The following ARL15 variants were observed in gnomAD, a reference collection of about 807,000 sequenced individuals.
ARL15 encodes the protein ADP-ribosylation factor-like protein 15.
A neutral mutation model predicts 25.2 loss-of-function variants in ARL15; 19 were observed. The ratio of observed to expected loss-of-function variants is 0.75; its 90% confidence interval spans 0.53 to 1.10. The LOEUF is 1.10. Among genes scored for constraint, ARL15 ranks in the 50% least tolerant of loss-of-function variants. The probability of loss-of-function intolerance (pLI) is 0.00; values close to 1 mark genes in which losing one functional copy is unlikely to be tolerated. For synonymous variants in ARL15, 94 were observed against 86.8 expected (o/e 1.08, Z -0.46); for missense variants, 220 against 246.0 (o/e 0.89, Z 0.71).
intron 4 of ARL15, among the ~76,000 whole-genome samples, chr5:53,949,557 C>A (rs1160259616): frequency 2.6e-5 from 4 of 152,158 alleles, no homozygotes; most frequent in Admixed American, 6.5e-5. Flanking sequence ...AGATCAAACA[C>A]CTTTTACTCA....
intron 4 of ARL15, among the ~76,000 whole-genome samples, chr5:53,896,914 G>C (rs558833117): frequency 5.2e-4 from 79 of 152,272 alleles, no homozygotes; most frequent in African/African-American, 1.9e-3. Context: ...GGGGTTGTTT[G>C]CTCCTGGATT....
At chr5:54,017,706 T>G (rs1425911486) in intron 4 of ARL15, among the ~76,000 whole-genome samples, 2 of 151,680 alleles carry the variant, frequency 1.3e-5, no homozygotes, top group Non-Finnish European at 2.9e-5. Context: ...GTAACCAGGG[T>G]CTTTTGAAAA....
intron 4 of ARL15, among the ~76,000 whole-genome samples, chr5:53,949,206 C>T (rs1459066963): frequency 2.0e-5 from 3 of 152,106 alleles, no homozygotes; most frequent in Non-Finnish European, 4.4e-5. Flanking sequence ...GTGGAGGACT[C>T]TAAATTTCTG....
At chr5:54,181,059 G>A (rs997272093) in intron 1 of ARL15, among the ~76,000 whole-genome samples, 1 of 152,162 alleles carries the variant, frequency 6.6e-6, no homozygotes, top group South Asian at 2.1e-4. Flanking sequence ...GATTTTAAAA[G>A]TTAGGGCATG....
intron 3 of ARL15, among the ~76,000 whole-genome samples, chr5:54,130,227 CA>C (rs1259569595): frequency 1.2e-4 from 18 of 152,078 alleles, no homozygotes; most frequent in African/African-American, 4.3e-4. Flanking sequence ...CAAAACAAAA[CA>C]AACAAACAAA....
At chr5:54,148,632 T>G (rs975078523) in intron 3 of ARL15, among the ~76,000 whole-genome samples, 1 of 152,184 alleles carries the variant, frequency 6.6e-6, no homozygotes, top group African/African-American at 2.4e-5. Flanking sequence ...AGCCAGCTGC[T>G]TTTCAGCTGG....
chr5:53,884,898 T>C lies in ARL15; in HGVS notation c.*1663A>G, dbSNP rs905764463. The C allele has an allele frequency of 1.3e-5, 2 of 152,406 alleles. No homozygotes were observed. Among genetic ancestry groups the C allele is most frequent in the Non-Finnish European group, 2.9e-5 (2 of 67,986 alleles). 9.4% of individuals were successfully genotyped at this position (152,406 alleles called of 1,614,324 possible). ...TTTGTGCTGCTCAGGGATTACACAG[T>C]GTTAAAAATATTCAAGAATGCTGCA... On this transcript the variant is annotated 3_prime_UTR_variant, in exon 5 of 5. Transcript: ENST00000504924.
chr5:53,958,421 T>TA (rs1252512348), intron 4 of ARL15, among the ~76,000 whole-genome samples: 4 of 151,992 alleles, frequency 2.6e-5, no homozygotes, highest in African/African-American at 7.2e-5. Flanking sequence ...AAAATGTCTT[T>TA]AAAAAATCAC....
At chr5:53,894,576 A>AC (rs1455438882) in intron 4 of ARL15, among the ~76,000 whole-genome samples, 5 of 152,192 alleles carry the variant, frequency 3.3e-5, no homozygotes, top group African/African-American at 1.2e-4. Context: ...CTTCTAGATA[A>AC]CCACTATGAG....
At chr5:54,031,639 C>T (rs1218754704) in intron 4 of ARL15, among the ~76,000 whole-genome samples, 1 of 152,144 alleles carries the variant, frequency 6.6e-6, no homozygotes, top group Non-Finnish European at 1.5e-5. Flanking sequence ...TAATGGCCCA[C>T]CTGAATGTGC....
chr5:54,298,479 G>T (rs980980439), intron 1 of ARL15, among the ~76,000 whole-genome samples: 3 of 152,096 alleles, frequency 2.0e-5, no homozygotes, highest in African/African-American at 7.2e-5. Flanking sequence ...TTGGCAAAAT[G>T]ACCTCACGTT....
intron 4 of ARL15, among the ~76,000 whole-genome samples, chr5:53,921,864 T>C (rs1422493249): frequency 6.6e-6 from 1 of 152,212 alleles, no homozygotes; most frequent in African/African-American, 2.4e-5. Flanking sequence ...ACAATCACTA[T>C]GTGCCATCAT....
chr5:54,232,681 C>T (rs1415346753), intron 1 of ARL15, among the ~76,000 whole-genome samples: 1 of 152,174 alleles, frequency 6.6e-6, no homozygotes, highest in Non-Finnish European at 1.5e-5. Flanking sequence ...AATTGCTTCT[C>T]AGAACTTGTG....
chr5:54,207,253 G>A (rs150848143), intron 1 of ARL15, among the ~76,000 whole-genome samples: 5,283 of 152,322 alleles, frequency 0.035, 106 homozygotes, highest in Non-Finnish European at 0.057. Context: ...TGTCTGCACA[G>A]GGAGACTAAG....
At chr5:54,166,709 A>C (rs562510297) in intron 2 of ARL15, among the ~76,000 whole-genome samples, 85 of 152,118 alleles carry the variant, frequency 5.6e-4, no homozygotes, top group African/African-American at 2.0e-3. Context: ...TTTCTCTCTC[A>C]GATTGTCTCT....
At chr5:53,913,508 C>T (rs146467341) in intron 4 of ARL15, among the ~76,000 whole-genome samples, 14 of 152,264 alleles carry the variant, frequency 9.2e-5, no homozygotes, top group Non-Finnish European at 1.3e-4. Flanking sequence ...CCGAAACTAC[C>T]GTTGTTCAAA....
chr5:54,220,471 A>G (rs1178119879), intron 1 of ARL15, among the ~76,000 whole-genome samples: 1 of 152,216 alleles, frequency 6.6e-6, no homozygotes, highest in African/African-American at 2.4e-5. Context: ...GTCTTCACCG[A>G]AGTTTCTGTT....
intron 4 of ARL15, among the ~76,000 whole-genome samples, chr5:53,946,036 A>C (rs1746715549): frequency 6.6e-6 from 1 of 151,994 alleles, no homozygotes; most frequent in South Asian, 2.1e-4. Flanking sequence ...GGGAACCCTC[A>C]CTCTTTCAAA....
intron 4 of ARL15, among the ~76,000 whole-genome samples, chr5:53,996,143 A>C (rs914232529): frequency 4.6e-5 from 7 of 152,178 alleles, no homozygotes; most frequent in Admixed American, 3.3e-4. Context: ...CAAAAAACCC[A>C]GTTTTCTTAA....
Sources: gnomAD v4.1 joint callset for allele counts (sites outside exome capture counted in the v4.1 genomes callset) on GRCh38, gnomAD v4.1.1 for gene constraint, MANE v1.5 for transcripts, NCBI Gene and HGNC (gene_info 2026-07-23, HGNC 2026-07-21) for gene names.